The following PACSIN2 variants were observed in gnomAD, a reference collection of about 807,000 sequenced individuals.
PACSIN2 encodes protein kinase C and casein kinase substrate in neurons 2.
In PACSIN2, 25 loss-of-function variants were observed where a neutral mutation model predicts 63.8. The observed-to-expected ratio is 0.39, with a 90% confidence interval of 0.29 to 0.55. PACSIN2 has a LOEUF of 0.55. PACSIN2 is among the 20% of genes least tolerant of loss of function. The pLI is 0.62. For synonymous variants in PACSIN2, 255 were observed against 256.2 expected (o/e 1.00, Z 0.05); for missense variants, 518 against 646.9 (o/e 0.80, Z 2.16).
At chr22:42,987,149 G>C (rs1922674287) in intron 1 of PACSIN2, among the ~76,000 whole-genome samples, 1 of 152,062 alleles carries the variant, frequency 6.6e-6, no homozygotes, top group Non-Finnish European at 1.5e-5. Context: ...CACCAAGACT[G>C]ACCTGGGTTC....
At chr22:42,916,900 A>T (rs1050068297) in intron 1 of PACSIN2, among the ~76,000 whole-genome samples, 2 of 152,162 alleles carry the variant, frequency 1.3e-5, no homozygotes, top group African/African-American at 4.8e-5. Flanking sequence ...GGTACTCGGA[A>T]ATGTTGGTGA....
chr22:42,975,581 AT>A (rs1921641572), intron 1 of PACSIN2, among the ~76,000 whole-genome samples: 1 of 148,710 alleles, frequency 6.7e-6, no homozygotes, highest in South Asian at 2.1e-4. Flanking sequence ...AATAGAATAT[AT>A]TATTTACAGA....
intron 1 of PACSIN2, among the ~76,000 whole-genome samples, chr22:42,960,523 C>A (rs1417613307): frequency 6.6e-6 from 1 of 152,178 alleles, no homozygotes; most frequent in Non-Finnish European, 1.5e-5. Flanking sequence ...AATAAAAACA[C>A]CTCGCTTCTT....
chr22:42,926,226 T>C (rs1259469511), intron 1 of PACSIN2, among the ~76,000 whole-genome samples: 1 of 152,202 alleles, frequency 6.6e-6, no homozygotes, highest in African/African-American at 2.4e-5. Context: ...GGAAACAGCT[T>C]GCGCATTGCA....
At chr22:43,009,863 C>CTTTTTTTTTTTTTTTT (rs762256300) in intron 1 of PACSIN2, among the ~76,000 whole-genome samples, 4 of 131,814 alleles carry the variant, frequency 3.0e-5, no homozygotes, top group East Asian at 2.5e-4. Flanking sequence ...TTTATTTTTT[C>CTTTTTTTTTTTTTTTT]TATTTTTTTT....
chr22:42,944,670 C>G (rs1468480017), intron 1 of PACSIN2, among the ~76,000 whole-genome samples: 1 of 152,144 alleles, frequency 6.6e-6, no homozygotes, highest in Middle Eastern at 3.2e-3. Flanking sequence ...GCTAAGAAAA[C>G]AATGACGAGT....
At chr22:42,958,124 T>C (rs5759057) in intron 1 of PACSIN2, among the ~76,000 whole-genome samples, 48,631 of 151,786 alleles carry the variant, frequency 0.32, 9,238 homozygotes, top group Non-Finnish European at 0.43. Context: ...CTAAGTGATA[T>C]TCATCTTAAG....
At position 42,893,440 on chromosome 22, in the gene PACSIN2, G is replaced by C; in HGVS notation, c.217+17C>G. The C allele has an allele frequency of 6.2e-7, 1 of 1,608,890 alleles. No homozygotes were observed. Among genetic ancestry groups the C allele is most frequent in the South Asian group, 1.1e-5 (1 of 91,048 alleles). ...TAGCTGCCTCCAGGCCACAGGACCT[G>C]TGCCGGGGCCCCATACCTTTCTCCA... On this transcript the variant is annotated intron_variant, in intron 3 of 10. Transcript: ENST00000263246.
intron 7 of PACSIN2, among the ~76,000 whole-genome samples, chr22:42,879,774 C>T (rs188953451): frequency 6.6e-6 from 1 of 152,324 alleles, no homozygotes; most frequent in East Asian, 1.9e-4. Flanking sequence ...AAAGCCACTG[C>T]AAATAAAACC....
At chr22:42,942,460 T>C (rs1041298841) in intron 1 of PACSIN2, among the ~76,000 whole-genome samples, 1 of 152,224 alleles carries the variant, frequency 6.6e-6, no homozygotes, top group African/African-American at 2.4e-5. Flanking sequence ...AGACTTATGC[T>C]ATGTTTTAAG....
intron 2 of PACSIN2, among the ~76,000 whole-genome samples, chr22:42,909,135 C>G (rs565414182): frequency 6.6e-6 from 1 of 152,142 alleles, no homozygotes; most frequent in Non-Finnish European, 1.5e-5. Context: ...AGTGCAGCAA[C>G]GTCCACTACC....
chr22:42,926,655 C>A (rs1488600207), intron 1 of PACSIN2, among the ~76,000 whole-genome samples: 1 of 144,264 alleles, frequency 6.9e-6, no homozygotes, highest in Non-Finnish European at 1.5e-5. Context: ...ACAGACCAAG[C>A]CCTCTTCTTC....
intron 1 of PACSIN2, among the ~76,000 whole-genome samples, chr22:42,989,006 A>T (rs1285041077): frequency 6.6e-6 from 1 of 152,036 alleles, no homozygotes; most frequent in Non-Finnish European, 1.5e-5. Context: ...CAGCCTCCTG[A>T]ATAGCTGGGA....
chr22:42,984,272 T>C (rs765436716), intron 1 of PACSIN2, among the ~76,000 whole-genome samples: 9 of 151,192 alleles, frequency 6.0e-5, no homozygotes, highest in Non-Finnish European at 1.2e-4. Flanking sequence ...ACCCACTACC[T>C]AGCACTTAGC....
intron 1 of PACSIN2, among the ~76,000 whole-genome samples, chr22:42,940,498 G>C (rs1933106571): frequency 6.6e-6 from 1 of 152,118 alleles, no homozygotes; most frequent in Non-Finnish European, 1.5e-5. Flanking sequence ...GGAAAGGGAG[G>C]GGGAAAGAAG....
intron 1 of PACSIN2, among the ~76,000 whole-genome samples, chr22:42,994,035 T>C (rs1923230277): frequency 6.6e-6 from 1 of 152,202 alleles, no homozygotes; most frequent in African/African-American, 2.4e-5. Context: ...TCCTCCAGGC[T>C]AAAGTCCAGT....
chr22:42,892,159 G>A (rs1324054130), intron 3 of PACSIN2, among the ~76,000 whole-genome samples: 1 of 152,108 alleles, frequency 6.6e-6, no homozygotes, highest in Non-Finnish European at 1.5e-5. Flanking sequence ...CCTAATCCAG[G>A]CTGGCATTTC....
At chr22:42,978,453 A>G (rs1921856836) in intron 1 of PACSIN2, among the ~76,000 whole-genome samples, 2 of 152,248 alleles carry the variant, frequency 1.3e-5, no homozygotes, top group African/African-American at 2.4e-5. Context: ...AGAAGAGCAC[A>G]GGGCCCACAC....
intron 1 of PACSIN2, among the ~76,000 whole-genome samples, chr22:42,994,689 C>A (rs1923279737): frequency 6.6e-6 from 1 of 152,216 alleles, no homozygotes; most frequent in African/African-American, 2.4e-5. Context: ...GATACCACTT[C>A]TTGATACCTC....
Sources: gnomAD v4.1 joint callset for allele counts (sites outside exome capture counted in the v4.1 genomes callset) on GRCh38, gnomAD v4.1.1 for gene constraint, MANE v1.5 for transcripts, NCBI Gene and HGNC (gene_info 2026-07-23, HGNC 2026-07-21) for gene names.